Variants in TXNL4A observed in about 807,000 individuals in gnomAD.
The protein encoded by TXNL4A is thioredoxin-like protein 4A.
A neutral mutation model predicts 14.6 loss-of-function variants in TXNL4A; 17 were observed. That is an observed-to-expected ratio of 1.16 (90% confidence interval 0.80 to 1.74). The LOEUF (loss-of-function observed/expected upper bound fraction) is 1.74. TXNL4A is among the 40% of genes most tolerant of loss of function. The pLI is 0.00. For missense variants in TXNL4A, 74 were observed against 195.2 expected (o/e 0.38, Z 3.70); for synonymous variants, 83 against 70.6 (o/e 1.18, Z -0.88).
At chr18:80,017,068 G>A (rs536233860) in intron 1 of TXNL4A, among the ~76,000 whole-genome samples, 1 of 148,972 alleles carries the variant, frequency 6.7e-6, no homozygotes, top group Non-Finnish European at 1.5e-5. Context: ...TCCTTGAAGA[G>A]GTCCTTCACA....
intron 1 of TXNL4A, among the ~76,000 whole-genome samples, chr18:80,007,575 T>G (rs55919001): frequency 0.29 from 44,024 of 151,736 alleles, 6,829 homozygotes; most frequent in Non-Finnish European, 0.36. Flanking sequence ...CTGGGCTGCC[T>G]GTCTTTGATT....
At chr18:79,990,725 T>A, upstream of TXNL4A, among the ~76,000 whole-genome samples, 1 of 152,318 alleles carries the variant, frequency 6.6e-6, no homozygotes, top group South Asian at 2.1e-4. Context: ...ATAACAAGAT[T>A]TATCGCCTTA....
chr18:79,984,803 T>C (rs1294595259), intron 1 of TXNL4A, among the ~76,000 whole-genome samples: 1 of 152,166 alleles, frequency 6.6e-6, no homozygotes, highest in African/African-American at 2.4e-5. Flanking sequence ...TCTATTTGCG[T>C]GGGCTTTTTA....
At chr18:80,018,920 C>T (rs2051830400) in intron 1 of TXNL4A, among the ~76,000 whole-genome samples, 1 of 152,224 alleles carries the variant, frequency 6.6e-6, no homozygotes, top group Admixed American at 6.5e-5. Flanking sequence ...CAAGAGTCAC[C>T]TTTGCTCCAG....
chr18:79,973,557 T>C lies in TXNL4A; in HGVS notation c.*128A>G. The stretch of plus-strand genomic sequence containing the variant: ...TTTATTTCGGTGAGTTAAGACCATG[T>C]TATCAATTCCATCTCAGAGGTGCTC... On this transcript the variant is annotated 3_prime_UTR_variant, in exon 3 of 3. Transcript: ENST00000269601. 1 of 1,221,168 alleles carries C rather than the reference T, an allele frequency of 8.2e-7. No homozygotes were observed. Among genetic ancestry groups the C allele is most frequent in the South Asian group, 1.6e-5 (1 of 61,246 alleles). 75.6% of individuals were successfully genotyped at this position (1,221,168 alleles called of 1,614,324 possible).
chr18:79,981,355 T>C (rs1271711738), intron 1 of TXNL4A, among the ~76,000 whole-genome samples: 2 of 152,248 alleles, frequency 1.3e-5, no homozygotes, highest in Admixed American at 6.5e-5. Flanking sequence ...CTGTGGTTTT[T>C]AATAATTTGT....
chr18:80,015,262 A>T (rs1253044719), intron 1 of TXNL4A, among the ~76,000 whole-genome samples: 1 of 152,116 alleles, frequency 6.6e-6, no homozygotes, highest in Admixed American at 6.5e-5. Flanking sequence ...AAAAAAAAAA[A>T]TGGACTTTTC....
intron 1 of TXNL4A, among the ~76,000 whole-genome samples, chr18:80,016,197 G>C (rs1247052878): frequency 6.6e-6 from 1 of 151,774 alleles, no homozygotes; most frequent in Non-Finnish European, 1.5e-5. Context: ...TTGCCCACTT[G>C]TTGATGGGGT....
chr18:80,020,648 G>A (rs907370353), intron 1 of TXNL4A, among the ~76,000 whole-genome samples: 16 of 152,280 alleles, frequency 1.1e-4, no homozygotes, highest in African/African-American at 3.6e-4. Context: ...GGTGCTTTAA[G>A]TCAGGCTTTA....
intron 1 of TXNL4A, among the ~76,000 whole-genome samples, chr18:80,028,524 A>G (rs1012940687): frequency 6.6e-6 from 1 of 152,208 alleles, no homozygotes; most frequent in African/African-American, 2.4e-5. Flanking sequence ...CCTCCAGGAC[A>G]GACCTACAAG....
At chr18:79,996,367 G>A (rs60145418) in intron 1 of TXNL4A, among the ~76,000 whole-genome samples, 4,526 of 152,178 alleles carry the variant, frequency 0.03, 124 homozygotes, top group African/African-American at 0.067. Flanking sequence ...AACCCCATAC[G>A]TGAGAGTAAT....
chr18:80,032,540 T>C (rs2051929077), intron 1 of TXNL4A, among the ~76,000 whole-genome samples: 2 of 152,148 alleles, frequency 1.3e-5, no homozygotes, highest in South Asian at 2.1e-4. Flanking sequence ...TGGTGAGCTG[T>C]TGAAATTTCA....
At position 79,993,570 on chromosome 18, in the gene TXNL4A, A is replaced by G. The variant is rs544519551; in HGVS notation, c.-60-15869T>C. Among the ~76,000 whole-genome samples, 1 of 152,064 alleles carries G rather than the reference A, an allele frequency of 6.6e-6. No homozygotes were observed. Among genetic ancestry groups the G allele is most frequent in the East Asian group, 1.9e-4 (1 of 5,166 alleles). ...TCATATAATTTGCGTGATCACTGTTAGTTTTGCTTAGCTGTTTTGTTGTTT... is the reference window on the plus strand; with the variant it reads ...TCATATAATTTGCGTGATCACTGTTGGTTTTGCTTAGCTGTTTTGTTGTTT... On this transcript the variant is annotated intron_variant, in intron 1 of 2. Coordinates refer to the TXNL4A transcript ENST00000585474. This position sits in a 1 kb window ranked among gnomAD's most constrained non-coding sequence, Gnocchi z 4.4.
intron 1 of TXNL4A, among the ~76,000 whole-genome samples, chr18:80,002,521 T>C (rs1474643449): frequency 1.3e-5 from 2 of 152,214 alleles, no homozygotes; most frequent in Non-Finnish European, 2.9e-5. Context: ...AGGCTTTCAT[T>C]GTCACCAACA....
At position 79,982,403 on chromosome 18, in the gene TXNL4A, G is replaced by T. The variant is rs2051477662; in HGVS notation, c.154-4702C>A. ...AAAAAGGCCCTCCAGGTAGCGACTG[G>T]CCTGGAGCTGTACAATGGAGTCTGG... On this transcript the variant is annotated intron_variant, in intron 1 of 2. Transcript: ENST00000269601. This position sits in a 1 kb window ranked among gnomAD's most constrained non-coding sequence, Gnocchi z 4.0. Among the ~76,000 whole-genome samples, 1 of 152,180 alleles carries T rather than the reference G, an allele frequency of 6.6e-6. No individual in the cohort carries two copies. Among genetic ancestry groups the T allele is most frequent in the South Asian group, 2.1e-4 (1 of 4,828 alleles).
At chr18:79,995,984 G>A (rs2051658374) in intron 1 of TXNL4A, among the ~76,000 whole-genome samples, 2 of 151,120 alleles carry the variant, frequency 1.3e-5, no homozygotes, top group South Asian at 4.2e-4. Flanking sequence ...GGCGCCTGTA[G>A]TCCCAGCTAC....
chr18:79,988,659 G>A (rs1077510), upstream of TXNL4A: 100,806 of 298,552 alleles, frequency 0.34, 18,358 homozygotes, highest in South Asian at 0.49. Flanking sequence ...CCGCGCGAAC[G>A]TGTAGTTGGC....
chr18:79,990,715 A>C (rs1177890653), upstream of TXNL4A, among the ~76,000 whole-genome samples: 1 of 152,258 alleles, frequency 6.6e-6, no homozygotes, highest in Admixed American at 6.5e-5. Flanking sequence ...TGTGTTACTT[A>C]TAACAAGATT....
intron 1 of TXNL4A, among the ~76,000 whole-genome samples, chr18:80,018,441 C>A (rs1356745023): frequency 6.6e-6 from 1 of 152,076 alleles, no homozygotes; most frequent in Non-Finnish European, 1.5e-5. Flanking sequence ...AAAGCAAGAG[C>A]AAACACATTC....
Sources: gnomAD v4.1 joint callset for allele counts (sites outside exome capture counted in the v4.1 genomes callset) on GRCh38, gnomAD v4.1.1 for gene constraint, Gnocchi (gnomAD v3.1) non-coding constraint, MANE v1.5 for transcripts, NCBI Gene and HGNC (gene_info 2026-07-23, HGNC 2026-07-21) for gene names.